RUSF1: variants seen among roughly 807,000 people sequenced by gnomAD.
RUSF1 encodes RUS family member 1.
RUSF1 carries 58 observed loss-of-function variants against 63.0 expected under a neutral mutation model. The observed-to-expected ratio is 0.92, with a 90% confidence interval of 0.75 to 1.15. The LOEUF (loss-of-function observed/expected upper bound fraction) is 1.15. Ranked by LOEUF, RUSF1 falls within the 50% of genes most tolerant of loss-of-function variation. The pLI, the probability that RUSF1 is intolerant of heterozygous loss-of-function variation, is 0.00. For missense variants in RUSF1, 652 were observed against 611.0 expected (o/e 1.07, Z -0.71); for synonymous variants, 274 against 255.8 (o/e 1.07, Z -0.68).
rs776326880 is a variant in RUSF1 at position 31,499,487 on chromosome 16, C to G, written c.494+6G>C. The G allele has an allele frequency of 3.1e-6, 5 of 1,608,738 alleles. No homozygotes were observed. In the South Asian group the frequency reaches 5.5e-5, roughly 18 times the overall value. On this transcript the variant is annotated splice_donor_region_variant and intron_variant, in intron 4 of 12. Transcript: ENST00000327237. ...ACTCCCCTCCCCCGTCCCCGCCCCT[C>G]CTCACCTCCACTGCTTGGCATTGCA...
At position 31,493,642 on chromosome 16, in the gene RUSF1, C is replaced by T. The variant is rs765686337; in HGVS notation, c.919G>A (p.Asp307Asn). Residue 307 changes from aspartate to asparagine, a missense_variant, in exon 8 of 13, where the codon GAC (aspartate) becomes AAC (asparagine). Transcript: ENST00000327237. ...KHYLQRGEVL[D>N]PTAANRMEPL... ...TCCATGCGATTGGCTGCAGTTGGGT[C>T]GAGTACCTCTCCCCTCTGAAGGTAG... 10 of 1,614,066 alleles carry T rather than the reference C, an allele frequency of 6.2e-6. No individual in the cohort carries two copies. The highest frequency in any genetic ancestry group is 2.2e-5 in the East Asian group (1 of 44,890).
At chr16:31,507,736 T>A in intron 2 of RUSF1, 28 bp downstream of exon 2, 8 of 1,546,312 alleles carry the variant, frequency 5.2e-6, no homozygotes, top group Non-Finnish European at 7.0e-6. Flanking sequence ...AAAGCAGCAA[T>A]ACGTGAGGCT....
chr16:31,499,118 A>G, intron 5 of RUSF1, 184 bp downstream of exon 5: 1 of 634,128 alleles, frequency 1.6e-6, no homozygotes, highest in South Asian at 1.9e-5. Context: ...ATTGCCTTAC[A>G]CTTTCTGGGG....
chr16:31,492,946 C>T (rs772598412), intron 10 of RUSF1, 32 bp downstream of exon 10: 25 of 1,580,174 alleles, frequency 1.6e-5, no homozygotes, highest in East Asian at 4.5e-5. Flanking sequence ...TGGGAGGGTG[C>T]GTCTTAGGCT....
chr16:31,498,801 G>C (rs1305667940), intron 5 of RUSF1, among the ~76,000 whole-genome samples: 1 of 152,160 alleles, frequency 6.6e-6, no homozygotes, highest in Non-Finnish European at 1.5e-5. Flanking sequence ...CAGGACCCAG[G>C]CTCAGGGGAG....
At chr16:31,504,261 A>G (rs1486482936) in intron 2 of RUSF1, among the ~76,000 whole-genome samples, 3 of 151,336 alleles carry the variant, frequency 2.0e-5, no homozygotes, top group Non-Finnish European at 4.4e-5. Flanking sequence ...TGTCTGAGCT[A>G]AAGGTTTAGC....
rs779206520 is a variant in RUSF1, at chr16:31,490,785, T to C, written c.*50A>G. ...TTCCCCTGTCCTGCTGTGGCCAAAG[T>C]GTCCTTGCTCCAGGTTCCTGCCCTG... is the stretch of plus-strand genomic sequence containing the variant. On this transcript the variant is annotated 3_prime_UTR_variant, in exon 13 of 13. Coordinates refer to ENST00000327237, the MANE Select transcript of RUSF1 (RefSeq NM_022744.4). The C allele has an allele frequency of 1.3e-6, 2 of 1,590,116 alleles. No individual in the cohort carries two copies. The highest frequency in any genetic ancestry group is 2.2e-5 in the South Asian group (2 of 90,600).
chr16:31,507,771 G>T lies in RUSF1; in HGVS notation c.408C>A (p.Leu136=). The T allele has an allele frequency of 6.4e-7, 1 of 1,565,124 alleles. No homozygotes were observed. Among genetic ancestry groups the T allele is most frequent in the East Asian group, 2.4e-5 (1 of 42,006 alleles). ...TCCAGGGGTGCAGCTCACCTTTCAC[G>T]AGCCAGGTGGCCGTGGCAGCTGAAA... ...ATVSAATATW[L]VKDSTGMLGR... Residue 136 remains leucine (L), a synonymous_variant, in exon 2 of 13, where the codon CTC becomes CTA. Coordinates refer to ENST00000327237, the MANE Select transcript of RUSF1 (RefSeq NM_022744.4).
chr16:31,506,519 C>T (rs973099444), intron 2 of RUSF1, among the ~76,000 whole-genome samples: 17 of 152,222 alleles, frequency 1.1e-4, no homozygotes, highest in African/African-American at 3.4e-4. Flanking sequence ...CAGTGGCTCA[C>T]GCCTATAATC....
intron 12 of RUSF1, among the ~76,000 whole-genome samples, chr16:31,491,655 C>G (rs1481021457): frequency 7.0e-6 from 1 of 143,332 alleles, no homozygotes; most frequent in East Asian, 2.1e-4. Context: ...GGGTCTTGCT[C>G]TGTCACCCAG....
chr16:31,499,521 T>C lies in RUSF1; in HGVS notation c.466A>G (p.Lys156Glu). 6.2e-7 allele frequency: 1 copy of C among 1,604,426 alleles called. No individual in the cohort carries two copies. Among genetic ancestry groups the C allele is most frequent in the Non-Finnish European group, 8.5e-7 (1 of 1,175,454 alleles). The change falls in exon 4 of 13, where the codon AAA (lysine) becomes GAA (glutamate). Residue 156 changes from lysine (K) to glutamate (E), a missense_variant. By Grantham distance (56) the Lys-to-Glu change is moderately conservative (BLOSUM62 1). Transcript: ENST00000327237. ...RIVFAWWKGS[K>E]LDCNAKQWRL... ...CACTGCTTGGCATTGCAGTCCAGTT[T>C]GCTCCTGTTGGGGAGGAGAGGTTGT... is the stretch of plus-strand genomic sequence containing the variant.
chr16:31,496,996 G>A (rs1399445535), intron 5 of RUSF1, 46 bp from the exon 6 acceptor site: 20 of 1,461,330 alleles, frequency 1.4e-5, no homozygotes, highest in Non-Finnish European at 1.8e-5. Context: ...CACGTGTCCT[G>A]GTAACACAGG....
chr16:31,505,499 G>A (rs2142662341), intron 2 of RUSF1, among the ~76,000 whole-genome samples: 1 of 152,170 alleles, frequency 6.6e-6, no homozygotes, highest in East Asian at 1.9e-4. Context: ...CGTCCCACCT[G>A]ATGAGAAATA....
chr16:31,500,649 G>C lies in RUSF1; in HGVS notation c.461+37C>G, dbSNP rs764404684. The stretch of plus-strand genomic sequence containing the variant: ...CTATCATTACTACCACTACTGGGAA[G>C]AGTTGCCAGAGTTGCTGGCCGGGAA... On this transcript the variant is annotated intron_variant, in intron 3 of 12. Coordinates refer to ENST00000327237, the MANE Select transcript of RUSF1 (RefSeq NM_022744.4). 7.5e-6 allele frequency: 12 copies of C among 1,601,634 alleles called. No homozygotes were observed. The East Asian group carries it at 2.5e-4, about 33-fold the overall frequency.
intron 6 of RUSF1, among the ~76,000 whole-genome samples, chr16:31,496,037 A>G (rs1165639541): frequency 6.6e-6 from 1 of 152,164 alleles, no homozygotes; most frequent in Non-Finnish European, 1.5e-5. Flanking sequence ...TAATTTCCTC[A>G]TCTGTAAACT....
In RUSF1 at chr16:31,507,695, T is replaced by C; in HGVS notation, c.415+69A>G. 6.4e-6 allele frequency: 9 copies of C among 1,416,908 alleles called. No homozygotes were observed. The Admixed American group carries it at 9.9e-5, about 16-fold the overall frequency. 87.8% of individuals were successfully genotyped at this position (1,416,908 alleles called of 1,614,324 possible). On this transcript the variant is annotated intron_variant, in intron 2 of 12. Coordinates refer to ENST00000327237, the MANE Select transcript of RUSF1 (RefSeq NM_022744.4). ...AATGGGGCACGAGTCCATACATATATACACATAAGAGCCCAGCGAAAGCAG... is the reference window on the plus strand; with the variant it reads ...AATGGGGCACGAGTCCATACATATACACACATAAGAGCCCAGCGAAAGCAG...
chr16:31,500,636 C>T, intron 3 of RUSF1, 50 bp downstream of exon 3: 1 of 1,579,486 alleles, frequency 6.3e-7, no homozygotes, highest in Non-Finnish European at 8.7e-7. Flanking sequence ...ATCATTACTA[C>T]CACTACTGGG....
At chr16:31,503,821 C>G (rs957394494) in intron 2 of RUSF1, among the ~76,000 whole-genome samples, 2 of 152,190 alleles carry the variant, frequency 1.3e-5, no homozygotes, top group Non-Finnish European at 2.9e-5. Flanking sequence ...CACAACCATG[C>G]CTGGCTAATT....
At chr16:31,491,863 C>G (rs180968308) in intron 12 of RUSF1, 146 bp downstream of exon 12, 1 of 811,286 alleles carries the variant, frequency 1.2e-6, no homozygotes, top group Admixed American at 2.7e-5. Flanking sequence ...CCTCCCAAGG[C>G]ACTAGAATCA....
Sources: allele counts gnomAD v4.1 joint callset (sites outside exome capture counted in the v4.1 genomes callset), GRCh38; gene constraint gnomAD v4.1.1; transcripts MANE v1.5; gene names NCBI Gene and HGNC (gene_info 2026-07-23, HGNC 2026-07-21).